DLGAP1: variants seen among roughly 807,000 people sequenced by gnomAD.
DLGAP1 encodes DLG associated protein 1.
Under a neutral mutation model 90.8 loss-of-function variants are expected in DLGAP1, and 11 were observed. That is an observed-to-expected ratio of 0.12 (90% CI 0.08 to 0.20). The LOEUF is 0.20. Ranked by LOEUF, DLGAP1 falls within the 10% of genes least tolerant of loss-of-function variation. The pLI, the probability that DLGAP1 is intolerant of heterozygous loss-of-function variation, is 1.00. For synonymous variants in DLGAP1, 558 were observed against 540.7 expected (o/e 1.03, Z -0.44); for missense variants, 1,050 against 1,333.8 (o/e 0.79, Z 3.31).
At chr18:3,717,342 G>A (rs764675892) in intron 7 of DLGAP1, among the ~76,000 whole-genome samples, 2 of 152,108 alleles carry the variant, frequency 1.3e-5, no homozygotes, top group Admixed American at 6.5e-5. Context: ...ACAGGTAAGA[G>A]AGGGAACAGG....
intron 3 of DLGAP1, among the ~76,000 whole-genome samples, chr18:3,974,686 A>G (rs572090384): frequency 6.6e-6 from 1 of 152,298 alleles, no homozygotes; most frequent in South Asian, 2.1e-4. Flanking sequence ...GACATTGAAA[A>G]CATTCAATGT....
At chr18:3,905,856 T>C (rs1023415483) in intron 3 of DLGAP1, among the ~76,000 whole-genome samples, 1 of 152,232 alleles carries the variant, frequency 6.6e-6, no homozygotes, top group Non-Finnish European at 1.5e-5. Flanking sequence ...CAGCATGCCT[T>C]ACTCTACAAA....
chr18:3,694,167 T>C (rs901090118), intron 7 of DLGAP1, among the ~76,000 whole-genome samples: 3 of 152,128 alleles, frequency 2.0e-5, no homozygotes, highest in Non-Finnish European at 4.4e-5. Flanking sequence ...GTTAGTTTGC[T>C]GAGAATGATG....
chr18:3,658,679 C>T (rs1045105663), intron 7 of DLGAP1, among the ~76,000 whole-genome samples: 25 of 152,142 alleles, frequency 1.6e-4, no homozygotes, highest in African/African-American at 4.8e-4. Context: ...TAAACCAAAA[C>T]GCAAGGTCAG....
chr18:3,534,352 T>G lies in DLGAP1; in HGVS notation c.2321A>C (p.Asp774Ala). The G allele has an allele frequency of 6.2e-7, 1 of 1,613,818 alleles. No homozygotes were observed. The highest frequency in any genetic ancestry group is 1.1e-5 in the South Asian group (1 of 91,072). ...SILPPPDPWI[D>A]SITEDPLEAV... ...CTCCAGAGGGTCTTCAGTGATAGAG[T>G]CAATCCAGGGGTCCGGAGGAGGCAG... The change falls in exon 10 of 13, where the codon GAC becomes GCC. Residue 774 changes from aspartate (D) to alanine (A), a missense_variant. This residue lies in a region of DLGAP1 where 565 missense variants were observed against 879.7 expected (regional missense o/e 0.64). Coordinates refer to ENST00000315677, the MANE Select transcript of DLGAP1 (RefSeq NM_004746.4).
At chr18:3,922,882 C>T (rs2072295588) in intron 3 of DLGAP1, among the ~76,000 whole-genome samples, 1 of 152,004 alleles carries the variant, frequency 6.6e-6, no homozygotes, top group Admixed American at 6.6e-5. Context: ...CCTGTGATCC[C>T]AGCACTTTGG....
At chr18:4,025,665 T>G (rs1469745440) in intron 2 of DLGAP1, among the ~76,000 whole-genome samples, 1 of 152,118 alleles carries the variant, frequency 6.6e-6, no homozygotes, top group Non-Finnish European at 1.5e-5. Context: ...TTTCCAGAGT[T>G]TAGATCTCTG....
chr18:4,401,541 A>G (rs574160928), intron 1 of DLGAP1, among the ~76,000 whole-genome samples: 25 of 152,304 alleles, frequency 1.6e-4, no homozygotes, highest in African/African-American at 5.8e-4. Flanking sequence ...AACTAGTGAT[A>G]TTTAATCATT....
At chr18:4,405,560 A>G (rs1394219792) in intron 1 of DLGAP1, among the ~76,000 whole-genome samples, 1 of 152,200 alleles carries the variant, frequency 6.6e-6, no homozygotes, top group Non-Finnish European at 1.5e-5. Flanking sequence ...TTAAACTATA[A>G]ATATACATGT....
chr18:4,311,190 A>G (rs1365357631), intron 1 of DLGAP1, among the ~76,000 whole-genome samples: 1 of 152,228 alleles, frequency 6.6e-6, no homozygotes, highest in Non-Finnish European at 1.5e-5. Context: ...GGCACAATTC[A>G]TCTGTAATCA....
At chr18:4,374,383 C>T (rs1335349612) in intron 1 of DLGAP1, among the ~76,000 whole-genome samples, 2 of 151,906 alleles carry the variant, frequency 1.3e-5, no homozygotes, top group Non-Finnish European at 2.9e-5. Flanking sequence ...ATATATTTTC[C>T]ATGAGTATTA....
intron 5 of DLGAP1, among the ~76,000 whole-genome samples, chr18:3,749,444 C>A (rs1193894112): frequency 1.3e-5 from 2 of 152,092 alleles, no homozygotes; most frequent in Admixed American, 1.3e-4. Context: ...TGAGCCACTG[C>A]GCCCGGCCAA....
intron 1 of DLGAP1, among the ~76,000 whole-genome samples, chr18:4,255,427 T>G (rs1392268897): frequency 6.6e-6 from 1 of 151,714 alleles, no homozygotes; most frequent in African/African-American, 2.4e-5. Context: ...TCTATGTTAC[T>G]CTCTCTCTTT....
intron 1 of DLGAP1, among the ~76,000 whole-genome samples, chr18:4,195,139 G>A (rs114400641): frequency 0.016 from 2,393 of 152,142 alleles, 69 homozygotes; most frequent in African/African-American, 0.055. Flanking sequence ...TTAAATATTT[G>A]GAGTGTAGTT....
At chr18:3,976,367 T>G (rs2073580192) in intron 3 of DLGAP1, among the ~76,000 whole-genome samples, 1 of 137,166 alleles carries the variant, frequency 7.3e-6, no homozygotes. Flanking sequence ...CAAAAAAAAG[T>G]GGTTAAAAGG....
chr18:4,243,992 TTCA>T (rs2078600712), intron 1 of DLGAP1, among the ~76,000 whole-genome samples: 1 of 152,206 alleles, frequency 6.6e-6, no homozygotes, highest in South Asian at 2.1e-4. Context: ...ATGGTGTAAC[TTCA>T]TCGATTATTA....
intron 2 of DLGAP1, among the ~76,000 whole-genome samples, chr18:4,050,542 T>C (rs572324325): frequency 1.3e-5 from 2 of 152,340 alleles, no homozygotes; most frequent in South Asian, 4.1e-4. Flanking sequence ...TTATTGTCAA[T>C]ATAGGCTTCT....
At chr18:4,281,984 CT>C (rs2079562507) in intron 1 of DLGAP1, among the ~76,000 whole-genome samples, 1 of 152,120 alleles carries the variant, frequency 6.6e-6, no homozygotes, top group Admixed American at 6.5e-5. Context: ...GTACTTATAA[CT>C]TTAAGAAATA....
At chr18:3,772,207 C>CTT (rs1050431325) in intron 5 of DLGAP1, among the ~76,000 whole-genome samples, 1 of 2,984 alleles carries the variant, frequency 3.4e-4, no homozygotes, top group African/African-American at 2.7e-3. Flanking sequence ...TTCTTCTCTC[C>CTT]TTTTCTTTCT....
Sources: gnomAD v4.1 joint callset for allele counts (sites outside exome capture counted in the v4.1 genomes callset) on GRCh38, gnomAD v4.1.1 for gene constraint, gnomAD v4.1.1 regional missense constraint, MANE v1.5 for transcripts, NCBI Gene and HGNC (gene_info 2026-07-23, HGNC 2026-07-21) for gene names.